The following NLGN4X variants were observed in gnomAD, a reference collection of about 807,000 sequenced individuals.
The protein encoded by NLGN4X is neuroligin 4 X-linked.
Under a neutral mutation model 40.3 loss-of-function variants are expected in NLGN4X, and 3 were observed. The observed-to-expected ratio is 0.07, with a 90% CI of 0.03 to 0.19. The LOEUF (loss-of-function observed/expected upper bound fraction) is 0.19. Among genes scored for constraint, NLGN4X ranks in the 10% least tolerant of loss-of-function variants. The pLI, the probability that NLGN4X is intolerant of heterozygous loss-of-function variation, is 1.00. For missense variants in NLGN4X, 382 were observed against 708.3 expected (o/e 0.54, Z 5.23); for synonymous variants, 270 against 306.8 (o/e 0.88, Z 1.25).
intron 3 of NLGN4X, among the ~76,000 whole-genome samples, chrX:5,954,137 G>A (rs2034406150): frequency 1.8e-5 from 2 of 111,626 alleles, no homozygotes; most frequent in Admixed American, 9.6e-5. Flanking sequence ...TCAATTATCT[G>A]AGAAATTTAG....
intron 3 of NLGN4X, among the ~76,000 whole-genome samples, chrX:5,920,738 G>C: frequency 9.0e-6 from 1 of 111,018 alleles, no homozygotes; most frequent in Non-Finnish European, 1.9e-5. Flanking sequence ...GGATGGGGAC[G>C]TATCTTCTGG....
At chrX:6,215,420 G>A (rs766538051) in intron 1 of NLGN4X, among the ~76,000 whole-genome samples, 3 of 110,111 alleles carry the variant, frequency 2.7e-5, no homozygotes, top group East Asian at 2.9e-4. Context: ...GTGGTGGTGT[G>A]TGCCTGTAAT....
rs1383698580 is a variant in NLGN4X at position 6,224,318 on chromosome X, T to C, written c.-306+4223A>G. On this transcript the variant is annotated intron_variant, in intron 1 of 5. Transcript: ENST00000381095. ...CCCTCGTGCACTTGAATGTTTAGTTTTTTGAGAACCTTTTGGTTGTGGTCT... is the reference window on the plus strand; with the variant it reads ...CCCTCGTGCACTTGAATGTTTAGTTCTTTGAGAACCTTTTGGTTGTGGTCT... Among the ~76,000 whole-genome samples the C allele has an allele frequency of 3.3e-4, 37 of 111,981 alleles. No homozygotes were observed. In the Admixed American group the frequency reaches 3.5e-3, roughly 11 times the overall value.
chrX:6,214,384 C>T (rs1924882392), intron 1 of NLGN4X, among the ~76,000 whole-genome samples: 1 of 111,688 alleles, frequency 9.0e-6, no homozygotes, highest in Admixed American at 9.5e-5. Flanking sequence ...AAGAGACTAA[C>T]TCCTGCAAAT....
At chrX:6,027,822 A>ATT (rs35042993) in intron 3 of NLGN4X, among the ~76,000 whole-genome samples, 27,409 of 99,242 alleles carry the variant, frequency 0.28, 3,623 homozygotes, top group East Asian at 0.72. Context: ...TATTATTATT[A>ATT]TTTTTTTTTT....
At chrX:5,910,485 T>G (rs2032425658) in intron 3 of NLGN4X, among the ~76,000 whole-genome samples, 1 of 111,552 alleles carries the variant, frequency 9.0e-6, no homozygotes, top group Non-Finnish European at 1.9e-5. Flanking sequence ...GCAGTCATGT[T>G]TGTATGAAGA....
intron 2 of NLGN4X, among the ~76,000 whole-genome samples, chrX:6,048,892 C>T (rs57820565): frequency 9.3e-6 from 1 of 107,226 alleles, no homozygotes; most frequent in African/African-American, 3.4e-5. Context: ...CTAATGGATG[C>T]GGGGCTTAAT....
chrX:6,062,405 C>G (rs1187610072), intron 2 of NLGN4X, among the ~76,000 whole-genome samples: 1 of 112,050 alleles, frequency 8.9e-6, no homozygotes, highest in African/African-American at 3.2e-5. Flanking sequence ...CTCAGCTAAG[C>G]AAAGTGCTCC....
At chrX:6,109,230 C>T (rs1296810532) in intron 2 of NLGN4X, among the ~76,000 whole-genome samples, 1 of 111,803 alleles carries the variant, frequency 8.9e-6, no homozygotes, top group Non-Finnish European at 1.9e-5. Flanking sequence ...TGCACCACTG[C>T]ACTCCAGCCT....
At chrX:6,202,378 C>T (rs1281950282) in intron 1 of NLGN4X, among the ~76,000 whole-genome samples, 1 of 104,760 alleles carries the variant, frequency 9.5e-6, no homozygotes, top group African/African-American at 3.5e-5. Context: ...CACTGTGTCA[C>T]CCAAGATGGA....
chrX:6,197,841 A>T (rs1165884481), intron 1 of NLGN4X, among the ~76,000 whole-genome samples: 21 of 109,913 alleles, frequency 1.9e-4, no homozygotes, highest in African/African-American at 6.0e-4. Context: ...AGGAGGGAGG[A>T]TTGCTTCAGC....
At chrX:6,044,746 G>A (rs1304086562) in intron 2 of NLGN4X, among the ~76,000 whole-genome samples, 1 of 111,565 alleles carries the variant, frequency 9.0e-6, no homozygotes, top group Non-Finnish European at 1.9e-5. Flanking sequence ...AGGGAAGACC[G>A]TCCATGTATG....
chrX:6,099,910 A>T (rs1472970616), intron 2 of NLGN4X, among the ~76,000 whole-genome samples: 1 of 112,062 alleles, frequency 8.9e-6, no homozygotes, highest in East Asian at 2.8e-4. Context: ...CAGCAGCGCT[A>T]GAGGAATTAA....
chrX:6,053,190 A>G (rs1316932793), intron 2 of NLGN4X, among the ~76,000 whole-genome samples: 1 of 112,166 alleles, frequency 8.9e-6, no homozygotes, highest in African/African-American at 3.2e-5. Flanking sequence ...TTGGTCTGTG[A>G]AAACGGAAAT....
chrX:5,941,180 G>GTGTGTGT (rs1569143828), intron 3 of NLGN4X, among the ~76,000 whole-genome samples: 1,724 of 58,585 alleles, frequency 0.029, 40 homozygotes, highest in African/African-American at 0.041. Flanking sequence ...TATGCTAGGG[G>GTGTGTGT]GTGTGTGTGT....
At chrX:6,217,286 C>CA (rs1209377157) in intron 1 of NLGN4X, among the ~76,000 whole-genome samples, 1 of 111,582 alleles carries the variant, frequency 9.0e-6, no homozygotes, top group Non-Finnish European at 1.9e-5. Context: ...TAGAAAGAAA[C>CA]AATTTTTTAT....
chrX:6,006,257 G>C (rs1266233369), intron 3 of NLGN4X, among the ~76,000 whole-genome samples: 2 of 110,863 alleles, frequency 1.8e-5, no homozygotes, highest in African/African-American at 6.5e-5. Flanking sequence ...CAAGTCTAAG[G>C]GGTGAAAATA....
chrX:6,185,533 C>T (rs1921929222), intron 1 of NLGN4X, among the ~76,000 whole-genome samples: 1 of 111,671 alleles, frequency 9.0e-6, no homozygotes, highest in Non-Finnish European at 1.9e-5. Flanking sequence ...ATTAATTATC[C>T]ACTCCAAGGA....
intron 3 of NLGN4X, among the ~76,000 whole-genome samples, chrX:5,953,984 C>T (rs1363555541): frequency 9.0e-6 from 1 of 111,314 alleles, no homozygotes; most frequent in Non-Finnish European, 1.9e-5. Context: ...TCTCCTGGGG[C>T]TAAAGGCCAT....
Sources: allele counts gnomAD v4.1 joint callset (sites outside exome capture counted in the v4.1 genomes callset), GRCh38; gene constraint gnomAD v4.1.1; transcripts MANE v1.5; gene names NCBI Gene and HGNC (gene_info 2026-07-23, HGNC 2026-07-21).